Variants in ETS2 observed in about 807,000 individuals in gnomAD.
ETS2 encodes the protein protein C-ets-2.
In ETS2, 19 loss-of-function variants were observed where a neutral mutation model predicts 54.9. That is an observed-to-expected ratio of 0.35 (90% CI 0.24 to 0.51). The LOEUF is 0.51. Among genes scored for constraint, ETS2 ranks in the 20% least tolerant of loss-of-function variants. The pLI, the probability that ETS2 is intolerant of heterozygous loss-of-function variation, is 0.97. For synonymous variants in ETS2, 219 were observed against 229.3 expected (o/e 0.95, Z 0.41); for missense variants, 417 against 593.0 (o/e 0.70, Z 3.08).
chr21:38,819,446 C>T (rs2123422679), intron 7 of ETS2, 57 bp from the exon 8 acceptor site: 2 of 1,563,508 alleles, frequency 1.3e-6, no homozygotes, highest in South Asian at 2.3e-5. Flanking sequence ...TATGGTCGTG[C>T]CCAAGACCAA....
chr21:38,808,203 G>A (rs535050975), intron 1 of ETS2, among the ~76,000 whole-genome samples: 6 of 152,136 alleles, frequency 3.9e-5, no homozygotes, highest in Admixed American at 6.5e-5. Context: ...CCATGTTGCT[G>A]GGCCTCCGTT....
chr21:38,809,254 G>C (rs2060905061), intron 1 of ETS2, among the ~76,000 whole-genome samples: 1 of 152,150 alleles, frequency 6.6e-6, no homozygotes, highest in Admixed American at 6.5e-5. Flanking sequence ...CACTGGTTGA[G>C]AGCTCTGTAG....
At position 38,814,595 on chromosome 21, in the gene ETS2, G is replaced by A. The variant is rs1032873026; in HGVS notation, c.305-186G>A. On this transcript the variant is annotated intron_variant, in intron 4 of 9. Coordinates refer to ENST00000360938, the MANE Select transcript of ETS2 (RefSeq NM_005239.6). The surrounding 1 kb of genome is among the most constrained non-coding windows in gnomAD (Gnocchi z 4.2). Reference sequence around the variant, plus strand: ...CTCATTAAATATGTAGTAGAAGGACGCATTACTGGTGTCTTGAAATGTGCC... The same window carrying A: ...CTCATTAAATATGTAGTAGAAGGACACATTACTGGTGTCTTGAAATGTGCC... Among the ~76,000 whole-genome samples the A allele has an allele frequency of 2.0e-5, 3 of 152,200 alleles. No homozygotes were observed. The East Asian group carries it at 5.8e-4, about 29-fold the overall frequency.
Position 38,817,078 on chromosome 21 carries a change from C to T in ETS2, c.576C>T (p.Asn192=), listed in dbSNP as rs1324322890. The T allele has an allele frequency of 6.2e-6, 10 of 1,601,712 alleles. No individual in the cohort carries two copies. In the South Asian group the frequency reaches 9.9e-5, roughly 16 times the overall value. The change falls in exon 6 of 10, where the codon AAC becomes AAT. Residue 192 remains asparagine (N), a synonymous_variant. Transcript: ENST00000360938. Reference sequence around the variant, plus strand: ...TCACCTCCGTTCCTCATTGGATTAACAGCAATACATTAGGTCAGTCCGATT... The same window carrying T: ...TCACCTCCGTTCCTCATTGGATTAATAGCAATACATTAGGTCAGTCCGATT... ...SHLTSVPHWI[N]SNTLGFGTEQ... is the part of the protein sequence containing the mutation.
At chr21:38,805,311 T>C, upstream of ETS2, 2 of 1,252,800 alleles carry the variant, frequency 1.6e-6, no homozygotes, top group Non-Finnish European at 2.1e-6. The surrounding 1 kb of genome is among the most constrained non-coding windows in gnomAD (Gnocchi z 5.2). Flanking sequence ...TGTGATAGAA[T>C]GATCATTAGT....
At chr21:38,815,859 G>A (rs2060930825) in intron 5 of ETS2, among the ~76,000 whole-genome samples, 1 of 149,574 alleles carries the variant, frequency 6.7e-6, no homozygotes, top group Non-Finnish European at 1.5e-5. Flanking sequence ...AGAATCCCTT[G>A]AGCCCGGGAG....
intron 2 of ETS2, among the ~76,000 whole-genome samples, chr21:38,812,555 T>C (rs1010009916): frequency 4.6e-5 from 7 of 151,854 alleles, no homozygotes; most frequent in Admixed American, 4.6e-4. Flanking sequence ...CCAAGGCGGG[T>C]GGATTACACG....
Position 38,823,127 on chromosome 21 carries a change from G to C in ETS2, c.*238G>C, listed in dbSNP as rs756381113. 1 of 377,236 alleles carries C rather than the reference G, an allele frequency of 2.7e-6. No homozygotes were observed. Among genetic ancestry groups the C allele is most frequent in the Non-Finnish European group, 4.7e-6 (1 of 211,692 alleles). The allele number at this position is 377,236 out of a possible 1,614,324, so 23.4% of individuals were successfully genotyped here. On this transcript the variant is annotated 3_prime_UTR_variant, in exon 10 of 10. Transcript: ENST00000360938. ...CTTTTAAGTGAAAATGGTCGAGAAA[G>C]AGGCACCAGGAAGCCGTCCTGGCGC... is the stretch of plus-strand genomic sequence containing the variant.
rs949334516 is a variant in ETS2 at position 38,806,481 on chromosome 21, A to T, written c.-1+361A>T. ...GCAGGCCTGGTAGGGGGTCCTGCCC[A>T]GTGGATGTCCCGGCGAACATGATTT... On this transcript the variant is annotated intron_variant, in intron 1 of 9. Coordinates refer to ENST00000360938, the MANE Select transcript of ETS2 (RefSeq NM_005239.6). The surrounding 1 kb of genome is among the most constrained non-coding windows in gnomAD (Gnocchi z 4.3). The T allele has an allele frequency of 2.0e-6, 2 of 985,250 alleles. No homozygotes were observed. The highest frequency in any genetic ancestry group is 3.5e-5 in the African/African-American group (2 of 57,174). 61.0% of individuals were successfully genotyped at this position (985,250 alleles called of 1,614,324 possible). A position where few individuals can be genotyped will look rare whatever the true frequency, so the allele number is the denominator to read the frequency against.
At position 38,810,151 on chromosome 21, in the gene ETS2, A is replaced by G. The variant is rs369400303; in HGVS notation, c.72+45A>G. 83 of 1,215,142 alleles carry G rather than the reference A, an allele frequency of 6.8e-5. No homozygotes were observed. In the African/African-American group the frequency reaches 1.2e-3, roughly 18 times the overall value. 75.3% of individuals were successfully genotyped at this position (1,215,142 alleles called of 1,614,324 possible). A position where few individuals can be genotyped will look rare whatever the true frequency, so the allele number is the denominator to read the frequency against. ...TTTTTTTTTTTAATTGGAAAACTCGATCTCTAGGAGGAAAGAAAAAAAAGG... is the reference window on the plus strand; with the variant it reads ...TTTTTTTTTTTAATTGGAAAACTCGGTCTCTAGGAGGAAAGAAAAAAAAGG... On this transcript the variant is annotated intron_variant, in intron 2 of 9. Coordinates refer to ENST00000360938, the MANE Select transcript of ETS2 (RefSeq NM_005239.6).
chr21:38,816,415 T>C (rs2123418415), intron 5 of ETS2, among the ~76,000 whole-genome samples: 1 of 152,294 alleles, frequency 6.6e-6, no homozygotes, highest in African/African-American at 2.4e-5. Context: ...TTACCATTCC[T>C]CGGGCCTGTG....
chr21:38,816,249 C>G (rs1004298078), intron 5 of ETS2, among the ~76,000 whole-genome samples: 2 of 152,046 alleles, frequency 1.3e-5, no homozygotes, highest in African/African-American at 4.8e-5. Flanking sequence ...GACTCAGAAT[C>G]TCGAAAACAC....
chr21:38,805,870 C>T, upstream of ETS2: 1 of 1,185,752 alleles, frequency 8.4e-7, no homozygotes, highest in Non-Finnish European at 1.1e-6. The surrounding 1 kb of genome is among the most constrained non-coding windows in gnomAD (Gnocchi z 5.2). Context: ...TCCCTCCTTC[C>T]TCCTCCCTCC....
Position 38,822,659 on chromosome 21 carries a change from C to A in ETS2, c.1195-15C>A. On this transcript the variant is annotated splice_polypyrimidine_tract_variant and intron_variant, in intron 9 of 9. Transcript: ENST00000360938. ...CAAATTGAGTTTAACTCTTTTCCATCCATGTTCACCAAAGGTGGCCCGCCG... is the reference window on the plus strand; with the variant it reads ...CAAATTGAGTTTAACTCTTTTCCATACATGTTCACCAAAGGTGGCCCGCCG... 1 of 1,603,162 alleles carries A rather than the reference C, an allele frequency of 6.2e-7. No homozygotes were observed. Among genetic ancestry groups the A allele is most frequent in the South Asian group, 1.1e-5 (1 of 90,482 alleles).
Position 38,806,257 on chromosome 21 carries a change from C to A in ETS2, c.-1+137C>A, listed in dbSNP as rs913315533. Reference sequence around the variant, plus strand: ...CTGCCGGGGGTGCAGGTGGGGGTGGCGGCTGCTGCGAGGACTCTAGGGGCG... The same window carrying A: ...CTGCCGGGGGTGCAGGTGGGGGTGGAGGCTGCTGCGAGGACTCTAGGGGCG... On this transcript the variant is annotated intron_variant, in intron 1 of 9. Coordinates refer to ENST00000360938, the MANE Select transcript of ETS2 (RefSeq NM_005239.6). The surrounding 1 kb of genome is among the most constrained non-coding windows in gnomAD (Gnocchi z 4.3). The A allele has an allele frequency of 3.3e-5, 32 of 966,568 alleles. No homozygotes were observed. The highest frequency in any genetic ancestry group is 1.8e-4 in the Admixed American group (3 of 16,282). The allele number at this position is 966,568 out of a possible 1,614,324, so 59.9% of individuals were successfully genotyped here. A position where few individuals can be genotyped will look rare whatever the true frequency, so the allele number is the denominator to read the frequency against.
In ETS2 at chr21:38,822,849, T is replaced by C; in HGVS notation, c.1370T>C (p.Leu457Pro). 1 of 1,604,524 alleles carries C rather than the reference T, an allele frequency of 6.2e-7. No individual in the cohort carries two copies. Among genetic ancestry groups the C allele is most frequent in the Non-Finnish European group, 8.5e-7 (1 of 1,173,202 alleles). ...QNLLGFTPEE[L>P]HAILGVQPDT... ...TTGCTGGGGTTCACGCCCGAGGAAC[T>C]GCACGCCATCCTGGGCGTCCAGCCC... The change falls in exon 10 of 10, where the codon CTG becomes CCG. Residue 457 changes from leucine (L) to proline (P), a missense_variant. Leu to Pro is a moderately conservative substitution (Grantham distance 98). Coordinates refer to ENST00000360938, the MANE Select transcript of ETS2 (RefSeq NM_005239.6).
intron 1 of ETS2, among the ~76,000 whole-genome samples, chr21:38,807,758 A>G (rs2060899100): frequency 1.3e-5 from 2 of 152,182 alleles, no homozygotes; most frequent in Admixed American, 6.5e-5. Context: ...TTCCACATTC[A>G]TTCTCTGTCC....
intron 9 of ETS2, 36 bp from the exon 10 acceptor site, chr21:38,822,638 T>C: frequency 1.3e-6 from 2 of 1,543,742 alleles, no homozygotes; most frequent in Non-Finnish European, 1.8e-6. Context: ...CATTGACAAA[T>C]TGAGTTTAAC....
rs2060965191 is a variant in ETS2, at chr21:38,823,121, G to GAA, written c.*233_*234insAA. 1 of 383,482 alleles carries GAA rather than the reference G, an allele frequency of 2.6e-6. No homozygotes were observed. The highest frequency in any genetic ancestry group is 2.1e-5 in the African/African-American group (1 of 48,258). 23.8% of individuals were successfully genotyped at this position (383,482 alleles called of 1,614,324 possible). The stretch of plus-strand genomic sequence containing the variant: ...ACAGTGCTTTTAAGTGAAAATGGTC[G>GAA]AGAAAGAGGCACCAGGAAGCCGTCC... On this transcript the variant is annotated 3_prime_UTR_variant, in exon 10 of 10. Transcript: ENST00000360938.
Sources: gnomAD v4.1 joint callset for allele counts (sites outside exome capture counted in the v4.1 genomes callset) on GRCh38, gnomAD v4.1.1 for gene constraint, Gnocchi (gnomAD v3.1) non-coding constraint, MANE v1.5 for transcripts, NCBI Gene and HGNC (gene_info 2026-07-23, HGNC 2026-07-21) for gene names.